The following ZNF704 variants were observed in gnomAD, a reference collection of about 807,000 sequenced individuals.
ZNF704 encodes the protein glucocorticoid induced gene 1.
A neutral mutation model predicts 44.7 loss-of-function variants in ZNF704; 10 were observed. That is an observed-to-expected ratio of 0.22 (90% CI 0.14 to 0.38). The LOEUF (loss-of-function observed/expected upper bound fraction) is 0.38, where lower values mean the gene tolerates loss of function less well. ZNF704 is among the 10% of genes least tolerant of loss of function. ZNF704 has a pLI of 1.00. For missense variants in ZNF704, 390 were observed against 545.5 expected (o/e 0.71, Z 2.84); for synonymous variants, 211 against 207.6 (o/e 1.02, Z -0.14).
At chr8:80,863,138 C>T (rs961520569) in intron 1 of ZNF704, among the ~76,000 whole-genome samples, 2 of 151,962 alleles carry the variant, frequency 1.3e-5, no homozygotes, top group Admixed American at 1.3e-4. Flanking sequence ...TTTATAAATT[C>T]TAAGATCCCC....
chr8:80,789,957 T>C (rs1563554148), intron 2 of ZNF704, among the ~76,000 whole-genome samples: 1 of 152,198 alleles, frequency 6.6e-6, no homozygotes, highest in Non-Finnish European at 1.5e-5. Context: ...TCCAATGACT[T>C]GTCCATGAAC....
intron 1 of ZNF704, among the ~76,000 whole-genome samples, chr8:80,845,549 A>G (rs969773010): frequency 2.0e-5 from 3 of 152,318 alleles, no homozygotes. Flanking sequence ...AGGATTTGGA[A>G]GGTCTTTCAG....
intron 7 of ZNF704, among the ~76,000 whole-genome samples, chr8:80,657,881 A>G (rs1487401585): frequency 6.6e-6 from 1 of 152,122 alleles, no homozygotes; most frequent in African/African-American, 2.4e-5. Flanking sequence ...ACACAGAGTG[A>G]AATGAGGGAT....
chr8:80,706,906 G>A (rs1818907768), intron 2 of ZNF704, among the ~76,000 whole-genome samples: 1 of 152,184 alleles, frequency 6.6e-6, no homozygotes, highest in Non-Finnish European at 1.5e-5. Flanking sequence ...AAACCGATGA[G>A]TGACAGACTA....
At chr8:80,821,766 TAA>T (rs1442953846) in intron 1 of ZNF704, among the ~76,000 whole-genome samples, 151 bp from the exon 2 acceptor site, 1 of 152,076 alleles carries the variant, frequency 6.6e-6, no homozygotes, top group East Asian at 1.9e-4. Context: ...AACATAGAAA[TAA>T]AATAACTTCA....
At chr8:80,834,944 T>G (rs1000719533) in intron 1 of ZNF704, among the ~76,000 whole-genome samples, 9 of 152,216 alleles carry the variant, frequency 5.9e-5, no homozygotes, top group Middle Eastern at 3.2e-3. Context: ...TGATGGACAT[T>G]TGGGTTGGTT....
intron 2 of ZNF704, among the ~76,000 whole-genome samples, chr8:80,730,072 C>G (rs551594439): frequency 3.8e-4 from 58 of 152,172 alleles, no homozygotes; most frequent in Non-Finnish European, 6.3e-4. Context: ...GGAAACAGAA[C>G]ACACCTGAGA....
At position 80,779,899 on chromosome 8, in the gene ZNF704, TATA is replaced by T. The variant is rs150342190; in HGVS notation, c.221+41472_221+41474del. Among the ~76,000 whole-genome samples the T allele has an allele frequency of 8.2e-3, 1,232 of 149,972 alleles. 16 individuals carry two copies. Among genetic ancestry groups the T allele is most frequent in the Middle Eastern group, 0.021 (6 of 282 alleles). On this transcript the variant is annotated intron_variant, in intron 2 of 8. Transcript: ENST00000327835. ...TACATTTGCAGTCAAAATAGCTAAATATAATAATAATATTAATATTATAATAAT... is the reference window on the plus strand; with the variant it reads ...TACATTTGCAGTCAAAATAGCTAAATATAATAATATTAATATTATAATAAT...
intron 3 of ZNF704, among the ~76,000 whole-genome samples, chr8:80,692,797 G>A (rs1818661372): frequency 6.6e-6 from 1 of 152,182 alleles, no homozygotes; most frequent in Non-Finnish European, 1.5e-5. Context: ...GGAGGGATGG[G>A]TGAATGAGAA....
rs114180059 is a variant in ZNF704, at chr8:80,735,097, G to A, written c.222-41990C>T. On this transcript the variant is annotated intron_variant, in intron 2 of 8. Coordinates refer to ENST00000327835, the MANE Select transcript of ZNF704 (RefSeq NM_001033723.3). ...CTTCAGCATCATCTGAAGATCACCCGATCAGATCACCTGATCTACTTATTC... is the reference window on the plus strand; with the variant it reads ...CTTCAGCATCATCTGAAGATCACCCAATCAGATCACCTGATCTACTTATTC... Among the ~76,000 whole-genome samples the A allele has an allele frequency of 5.4e-3, 824 of 152,236 alleles. 6 individuals are homozygous for A. Among genetic ancestry groups the A allele is most frequent in the African/African-American group, 0.019 (791 of 41,542 alleles).
At chr8:80,792,410 T>G (rs1161173410) in intron 2 of ZNF704, among the ~76,000 whole-genome samples, 2 of 152,124 alleles carry the variant, frequency 1.3e-5, no homozygotes, top group African/African-American at 4.8e-5. Context: ...ATGGTTAATG[T>G]GGGGGCATAC....
intron 2 of ZNF704, among the ~76,000 whole-genome samples, chr8:80,788,380 A>G (rs1323477102): frequency 1.3e-5 from 2 of 152,338 alleles, no homozygotes; most frequent in East Asian, 3.9e-4. Flanking sequence ...CTCTATAACC[A>G]GTCTCCCTTT....
intron 2 of ZNF704, among the ~76,000 whole-genome samples, chr8:80,726,679 T>C (rs1054517268): frequency 6.6e-6 from 1 of 152,110 alleles, no homozygotes; most frequent in African/African-American, 2.4e-5. Flanking sequence ...TACAGGGAGT[T>C]CAATATTGAT....
At chr8:80,714,321 G>A (rs1441464243) in intron 2 of ZNF704, among the ~76,000 whole-genome samples, 4 of 152,166 alleles carry the variant, frequency 2.6e-5, no homozygotes, top group South Asian at 2.1e-4. Flanking sequence ...TTTGTTGAAC[G>A]AAATGAAAGA....
the ZNF704 span, among the ~76,000 whole-genome samples, chr8:80,879,879 A>G: frequency 6.6e-6 from 1 of 152,170 alleles, no homozygotes; most frequent in Non-Finnish European, 1.5e-5. Context: ...TTTTCATGCA[A>G]GACCCTTCTG....
intron 7 of ZNF704, among the ~76,000 whole-genome samples, chr8:80,647,270 T>C (rs1817847905): frequency 6.6e-6 from 1 of 151,378 alleles, no homozygotes; most frequent in African/African-American, 2.5e-5. Flanking sequence ...TTTATTTATC[T>C]TGAGTGGTAA....
intron 1 of ZNF704, among the ~76,000 whole-genome samples, chr8:80,827,139 C>T (rs896247223): frequency 9.2e-5 from 14 of 152,136 alleles, no homozygotes; most frequent in Non-Finnish European, 5.9e-5. Flanking sequence ...CAAATTGTCC[C>T]TGTTTGCAGA....
At chr8:80,844,361 C>T (rs1311999459) in intron 1 of ZNF704, among the ~76,000 whole-genome samples, 2 of 152,116 alleles carry the variant, frequency 1.3e-5, no homozygotes, top group East Asian at 1.9e-4. Flanking sequence ...GCCATCTTCT[C>T]GCTATGGCCT....
chr8:80,777,487 A>G (rs1165427592), intron 2 of ZNF704, among the ~76,000 whole-genome samples: 1 of 152,190 alleles, frequency 6.6e-6, no homozygotes, highest in Non-Finnish European at 1.5e-5. Flanking sequence ...CTTCACCTTC[A>G]GTCACCAATT....
Sources: gnomAD v4.1 joint callset for allele counts (sites outside exome capture counted in the v4.1 genomes callset) on GRCh38, gnomAD v4.1.1 for gene constraint, MANE v1.5 for transcripts, NCBI Gene and HGNC (gene_info 2026-07-23, HGNC 2026-07-21) for gene names.